IQGAP2: variants seen among roughly 807,000 people sequenced by gnomAD.
IQGAP2 encodes IQ motif containing GTPase activating protein 2, also known as ras GTPase-activating-like protein IQGAP2.
Under a neutral mutation model 201.3 loss-of-function variants are expected in IQGAP2, and 173 were observed. The observed-to-expected ratio is 0.86, with a 90% CI of 0.76 to 0.98. IQGAP2 has a LOEUF of 0.98. Ranked by LOEUF, IQGAP2 falls within the 50% of genes least tolerant of loss-of-function variation. The probability of loss-of-function intolerance (pLI) is 0.00; values close to 1 mark genes in which losing one functional copy is unlikely to be tolerated. For missense variants in IQGAP2, 1,687 were observed against 1,864.8 expected (o/e 0.90, Z 1.76); for synonymous variants, 675 against 673.9 (o/e 1.00, Z -0.03).
At position 76,595,768 on chromosome 5, in the gene IQGAP2, A is replaced by AAGAGAGAG. The variant is rs142088212; in HGVS notation, c.908-1647_908-1640dup. Among the ~76,000 whole-genome samples the AAGAGAGAG allele has an allele frequency of 3.7e-3, 532 of 144,286 alleles. 4 individuals carry two copies. Among genetic ancestry groups the AAGAGAGAG allele is most frequent in the African/African-American group, 0.011 (413 of 38,618 alleles). The allele number at this position is 144,286 out of a possible 152,430, so 94.7% of individuals were successfully genotyped here. ...AGAGCAAGACTGTCTCAAAAAAAGA[A>AAGAGAGAG]AGAGAGAGAGAGAGAGAGAGAGAGA... is the stretch of plus-strand genomic sequence containing the variant. On this transcript the variant is annotated intron_variant, in intron 9 of 35. Transcript: ENST00000274364.
At position 76,643,291 on chromosome 5, in the gene IQGAP2, A is replaced by G. The variant is rs78444977; in HGVS notation, c.2094+2188A>G. On this transcript the variant is annotated intron_variant, in intron 17 of 35. Transcript: ENST00000274364. The stretch of plus-strand genomic sequence containing the variant: ...GATGTTATAGAATGTAAATGAATTT[A>G]TAACTGCAGAATGCAAATTAGACAC... 2.8e-3 allele frequency among the ~76,000 whole-genome samples: 433 copies of G among 152,366 alleles called. 1 individual carries two copies. The highest frequency in any genetic ancestry group is 1.0e-2 in the African/African-American group (414 of 41,584).
At chr5:76,611,994 GA>G in intron 13 of IQGAP2, among the ~76,000 whole-genome samples, 1 of 152,274 alleles carries the variant, frequency 6.6e-6, no homozygotes, top group Middle Eastern at 3.4e-3. Context: ...TGCCTCATTC[GA>G]AACAGGAAAA....
rs866972325 is a variant in IQGAP2, at chr5:76,676,091, A to T, written c.3528-1127A>T. Among the ~76,000 whole-genome samples, 911 of 148,632 alleles carry T rather than the reference A, an allele frequency of 6.1e-3. 8 individuals carry two copies. Among genetic ancestry groups the T allele is most frequent in the Admixed American group, 7.9e-3 (119 of 15,050 alleles). On this transcript the variant is annotated intron_variant, in intron 27 of 35. Coordinates refer to ENST00000274364, the MANE Select transcript of IQGAP2 (RefSeq NM_006633.5). The stretch of plus-strand genomic sequence containing the variant: ...GTAAGACTCTGTCACACACACACAC[A>T]CACACACACACACACACACACACAC...
chr5:76,633,129 T>C (rs1750842330), intron 15 of IQGAP2, among the ~76,000 whole-genome samples: 1 of 152,224 alleles, frequency 6.6e-6, no homozygotes, highest in Non-Finnish European at 1.5e-5. Context: ...ATCTTCTGTC[T>C]CCTAAACTTG....
intron 2 of IQGAP2, among the ~76,000 whole-genome samples, chr5:76,528,066 A>G (rs1759068741): frequency 6.6e-6 from 1 of 152,114 alleles, no homozygotes; most frequent in African/African-American, 2.4e-5. Context: ...AGGTCCTTTT[A>G]TCTTAGCGAC....
chr5:76,471,373 A>C (rs73766927), intron 2 of IQGAP2, among the ~76,000 whole-genome samples: 10 of 107,468 alleles, frequency 9.3e-5, no homozygotes, highest in Non-Finnish European at 1.7e-4. Context: ...GCAAAAAAAA[A>C]AAAAAAAAAA....
At chr5:76,621,780 AT>A (rs1237504165) in intron 13 of IQGAP2, among the ~76,000 whole-genome samples, 6 of 152,034 alleles carry the variant, frequency 3.9e-5, no homozygotes, top group African/African-American at 9.7e-5. Flanking sequence ...TCATTGTTAA[AT>A]TTTTTTATTG....
intron 2 of IQGAP2, among the ~76,000 whole-genome samples, chr5:76,489,808 T>C (rs1163699387): frequency 6.6e-6 from 1 of 152,206 alleles, no homozygotes; most frequent in East Asian, 1.9e-4. Context: ...TGATAAAATC[T>C]GAATTAAGCT....
intron 30 of IQGAP2, among the ~76,000 whole-genome samples, chr5:76,689,661 G>A (rs193242859): frequency 1.3e-3 from 193 of 152,258 alleles, no homozygotes; most frequent in South Asian, 4.2e-3. Flanking sequence ...TTAAGTTTAG[G>A]TTCCATGATC....
At chr5:76,664,673 A>C (rs1273705019) in intron 21 of IQGAP2, among the ~76,000 whole-genome samples, 1 of 109,994 alleles carries the variant, frequency 9.1e-6, no homozygotes, top group Admixed American at 8.7e-5. Flanking sequence ...ACAAAGCGAG[A>C]CTCCATTTCA....
chr5:76,440,803 G>A (rs1360693893), intron 1 of IQGAP2, among the ~76,000 whole-genome samples: 1 of 152,044 alleles, frequency 6.6e-6, no homozygotes, highest in Non-Finnish European at 1.5e-5. Flanking sequence ...GGAGGCTGAG[G>A]CGGACGGATC....
chr5:76,673,737 C>A, intron 25 of IQGAP2, 148 bp downstream of exon 25: 1 of 864,400 alleles, frequency 1.2e-6, no homozygotes, highest in Non-Finnish European at 1.8e-6. Context: ...CTTTTAAATT[C>A]CTGACTGTTC....
intron 18 of IQGAP2, 23 bp downstream of exon 18, chr5:76,652,856 C>G (rs1192744805): frequency 6.8e-7 from 1 of 1,465,184 alleles, no homozygotes; most frequent in Admixed American, 1.7e-5. Flanking sequence ...TCCTACCATA[C>G]CAAGTGCTTG....
intron 13 of IQGAP2, among the ~76,000 whole-genome samples, chr5:76,615,268 G>T (rs1748837073): frequency 6.6e-6 from 1 of 152,188 alleles, no homozygotes; most frequent in Non-Finnish European, 1.5e-5. Context: ...AGGTAAAACT[G>T]TGTTGTAATT....
intron 35 of IQGAP2, among the ~76,000 whole-genome samples, chr5:76,706,594 T>C (rs563835073): frequency 1.3e-5 from 2 of 152,274 alleles, no homozygotes; most frequent in African/African-American, 2.4e-5. Flanking sequence ...GTGATCCACC[T>C]GCCTCAGCCT....
rs567410789 is a variant in IQGAP2, at chr5:76,413,156, C to CTTTTTTTTTTTTTTTTTTTTTTTTTTTT, written c.46+9568_46+9595dup. ...TATTTTCTTTTTTCTTTTCTTTTCT[C>CTTTTTTTTTTTTTTTTTTTTTTTTTTTT]TTTTTTTTTTTTTTTTTTTTTTTTT... On this transcript the variant is annotated intron_variant, in intron 1 of 35. Transcript: ENST00000274364. 2.0e-4 allele frequency among the ~76,000 whole-genome samples: 17 copies of CTTTTTTTTTTTTTTTTTTTTTTTTTTTT among 83,692 alleles called. 3 individuals carry two copies. The highest frequency in any genetic ancestry group is 3.1e-4 in the African/African-American group (6 of 19,284). 54.9% of individuals were successfully genotyped at this position (83,692 alleles called of 152,430 possible). A position where few individuals can be genotyped will look rare whatever the true frequency, so the allele number is the denominator to read the frequency against.
At position 76,671,871 on chromosome 5, in the gene IQGAP2, G is replaced by T; in HGVS notation, c.2956G>T (p.Ala986Ser). 6.2e-7 allele frequency: 1 copy of T among 1,614,022 alleles called. No homozygotes were observed. Among genetic ancestry groups the T allele is most frequent in the Non-Finnish European group, 8.5e-7 (1 of 1,179,988 alleles). ...ACAGAACACCCTGCGCCAACTCCTG[G>T]CTCCAGTGGTAAAAGAGATCATCGA... Reference protein sequence around the residue: ...RGQNTLRQLLAPVVKEIIDDK... With the variant: ...RGQNTLRQLLSPVVKEIIDDK... Residue 986 changes from alanine (A) to serine (S), a missense_variant, in exon 24 of 36, where the codon GCT (alanine) becomes TCT (serine). Coordinates refer to ENST00000274364, the MANE Select transcript of IQGAP2 (RefSeq NM_006633.5).
rs1366073402 is a variant in IQGAP2, at chr5:76,693,378, T to G, written c.3929T>G (p.Val1310Gly). The stretch of plus-strand genomic sequence containing the variant: ...AGGACCAAGAAGCTGATAATTGATG[T>G]GATCCGGAACCAGCCAGGGAACACA... ...MIKTKKLIID[V>G]IRNQPGNTLT... Residue 1310 changes from valine to glycine, a missense_variant, in exon 31 of 36, where the codon GTG becomes GGG. Physicochemically the swap from Val to Gly is moderately radical, Grantham distance 109. Transcript: ENST00000274364. 1 of 1,613,780 alleles carries G rather than the reference T, an allele frequency of 6.2e-7. No individual in the cohort carries two copies. The highest frequency in any genetic ancestry group is 1.7e-5 in the Admixed American group (1 of 59,976).
At chr5:76,456,777 CAA>C (rs1754109814) in intron 1 of IQGAP2, among the ~76,000 whole-genome samples, 1 of 152,026 alleles carries the variant, frequency 6.6e-6, no homozygotes, top group African/African-American at 2.4e-5. Context: ...CATAGAATAA[CAA>C]TGTGTATTTA....
Sources: allele counts gnomAD v4.1 joint callset (sites outside exome capture counted in the v4.1 genomes callset), GRCh38; gene constraint gnomAD v4.1.1; transcripts MANE v1.5; gene names NCBI Gene and HGNC (gene_info 2026-07-23, HGNC 2026-07-21).